EXOC4: variants seen among roughly 807,000 people sequenced by gnomAD.
EXOC4 encodes the protein exocyst complex component 4.
A neutral mutation model predicts 107.2 loss-of-function variants in EXOC4; 71 were observed. The observed-to-expected ratio is 0.66, with a 90% CI of 0.55 to 0.81. The LOEUF (loss-of-function observed/expected upper bound fraction) is 0.81. Ranked by LOEUF, EXOC4 falls within the 30% of genes least tolerant of loss-of-function variation. EXOC4 has a pLI of 0.00. For missense variants in EXOC4, 1,108 were observed against 1,189.6 expected (o/e 0.93, Z 1.01); for synonymous variants, 456 against 441.2 (o/e 1.03, Z -0.42).
chr7:133,343,067 C>G (rs1313658737), intron 5 of EXOC4, among the ~76,000 whole-genome samples: 1 of 152,122 alleles, frequency 6.6e-6, no homozygotes. Flanking sequence ...TAGTGAGCTA[C>G]TGTGATCTTT....
intron 17 of EXOC4, among the ~76,000 whole-genome samples, chr7:134,049,074 A>G (rs996157199): frequency 9.9e-5 from 15 of 152,200 alleles, no homozygotes; most frequent in Non-Finnish European, 2.1e-4. Flanking sequence ...GTCCTCATCT[A>G]TACGAAAATT....
At chr7:133,676,757 C>T (rs986271294) in intron 10 of EXOC4, among the ~76,000 whole-genome samples, 1 of 151,890 alleles carries the variant, frequency 6.6e-6, no homozygotes, top group African/African-American at 2.4e-5. Flanking sequence ...ACTGTGTATA[C>T]CCTTGAGCTA....
At chr7:133,332,398 A>T (rs576582013) in intron 5 of EXOC4, among the ~76,000 whole-genome samples, 1 of 152,264 alleles carries the variant, frequency 6.6e-6, no homozygotes, top group African/African-American at 2.4e-5. Flanking sequence ...TGAGAGGCCA[A>T]GGTGGGCAGA....
chr7:133,844,188 G>A (rs1798075667), intron 11 of EXOC4, among the ~76,000 whole-genome samples: 1 of 151,984 alleles, frequency 6.6e-6, no homozygotes, highest in African/African-American at 2.4e-5. Flanking sequence ...GAATGAGTTA[G>A]GGAGGAGTCC....
chr7:133,722,087 A>G (rs1350506950), intron 10 of EXOC4, among the ~76,000 whole-genome samples: 5 of 152,234 alleles, frequency 3.3e-5, no homozygotes, highest in African/African-American at 1.2e-4. Context: ...TTGCAGCTGC[A>G]TATAAATTCT....
At chr7:133,752,025 C>T (rs367971358) in intron 10 of EXOC4, among the ~76,000 whole-genome samples, 1 of 109,530 alleles carries the variant, frequency 9.1e-6, no homozygotes, top group East Asian at 3.0e-4. Flanking sequence ...TATCTGGGCA[C>T]TGTGGTATGC....
At chr7:133,680,674 T>C (rs546374840) in intron 10 of EXOC4, among the ~76,000 whole-genome samples, 1 of 152,232 alleles carries the variant, frequency 6.6e-6, no homozygotes, top group Admixed American at 6.5e-5. Flanking sequence ...CTAGGACCTA[T>C]GGAGCAAATC....
At chr7:134,030,115 T>C (rs1795236109) in intron 17 of EXOC4, among the ~76,000 whole-genome samples, 1 of 152,162 alleles carries the variant, frequency 6.6e-6, no homozygotes, top group Admixed American at 6.5e-5. Flanking sequence ...TTACACAGTA[T>C]AGCACAGTAG....
At position 133,493,609 on chromosome 7, in the gene EXOC4, A is replaced by G. The variant is rs1799418074; in HGVS notation, c.1417+13471A>G. Among the ~76,000 whole-genome samples, 3 of 152,158 alleles carry G rather than the reference A, an allele frequency of 2.0e-5. 1 individual carries two copies. The South Asian group carries it at 6.2e-4, about 32-fold the overall frequency. On this transcript the variant is annotated intron_variant, in intron 9 of 17. Transcript: ENST00000253861. ...CCAATAAGCCTGTTAGTGAACAAGT[A>G]AGTTCTAGTAGTATCTCTTAGAATG...
chr7:133,471,279 G>T (rs1475517668), intron 7 of EXOC4, among the ~76,000 whole-genome samples: 1 of 152,040 alleles, frequency 6.6e-6, no homozygotes, highest in South Asian at 2.1e-4. Flanking sequence ...GGGCGTGGTG[G>T]CAGGTGCCTG....
At chr7:133,659,617 G>T (rs1447983565) in intron 10 of EXOC4, among the ~76,000 whole-genome samples, 1 of 152,068 alleles carries the variant, frequency 6.6e-6, no homozygotes, top group Non-Finnish European at 1.5e-5. Flanking sequence ...GTGGATTCCT[G>T]GTCCTTACGT....
intron 10 of EXOC4, among the ~76,000 whole-genome samples, chr7:133,743,814 T>G (rs1363264022): frequency 6.6e-6 from 1 of 152,152 alleles, no homozygotes; most frequent in African/African-American, 2.4e-5. Flanking sequence ...GGTGTTTTCG[T>G]GCCCTGATGC....
chr7:133,739,012 T>A (rs1795505371), intron 10 of EXOC4, among the ~76,000 whole-genome samples: 3 of 152,290 alleles, frequency 2.0e-5, no homozygotes, highest in South Asian at 4.1e-4. Flanking sequence ...AGACCCAAAG[T>A]GTACTCTTAG....
intron 4 of EXOC4, among the ~76,000 whole-genome samples, chr7:133,314,542 G>A (rs532141635): frequency 6.6e-6 from 1 of 152,306 alleles, no homozygotes; most frequent in South Asian, 2.1e-4. Flanking sequence ...GAGTTGAAAT[G>A]GCAAGCTGTT....
chr7:133,286,296 G>A (rs1794275007), intron 2 of EXOC4, among the ~76,000 whole-genome samples: 1 of 152,000 alleles, frequency 6.6e-6, no homozygotes, highest in Admixed American at 6.6e-5. Context: ...TCTAATAGTT[G>A]TTTTTCATTT....
At chr7:133,774,227 G>A (rs1796301368) in intron 10 of EXOC4, among the ~76,000 whole-genome samples, 1 of 152,008 alleles carries the variant, frequency 6.6e-6, no homozygotes, top group South Asian at 2.1e-4. Flanking sequence ...ATTATTCTCA[G>A]GCATGAGCAG....
intron 9 of EXOC4, among the ~76,000 whole-genome samples, chr7:133,518,783 T>A (rs2150907736): frequency 6.6e-6 from 1 of 152,178 alleles, no homozygotes; most frequent in African/African-American, 2.4e-5. Context: ...TCTAAAGTAG[T>A]CACATTCATA....
intron 10 of EXOC4, among the ~76,000 whole-genome samples, chr7:133,757,000 A>T (rs1795931306): frequency 6.6e-6 from 1 of 152,192 alleles, no homozygotes; most frequent in Admixed American, 6.5e-5. Context: ...CTTTTTAAAA[A>T]TATGTATTAA....
chr7:133,527,346 G>T (rs895410718), intron 9 of EXOC4, among the ~76,000 whole-genome samples: 3 of 152,076 alleles, frequency 2.0e-5, no homozygotes, highest in Non-Finnish European at 4.4e-5. Context: ...GGAGGTTGCA[G>T]TGAGCTGAGA....
Sources: allele counts gnomAD v4.1 joint callset (sites outside exome capture counted in the v4.1 genomes callset), GRCh38; gene constraint gnomAD v4.1.1; transcripts MANE v1.5; gene names NCBI Gene and HGNC (gene_info 2026-07-23, HGNC 2026-07-21).